TFB2M: variants seen among roughly 807,000 people sequenced by gnomAD.
TFB2M encodes the protein dimethyladenosine transferase 2, mitochondrial.
A neutral mutation model predicts 41.3 loss-of-function variants in TFB2M; 44 were observed. The observed-to-expected ratio is 1.07, with a 90% CI of 0.84 to 1.37. The LOEUF (loss-of-function observed/expected upper bound fraction) is 1.37. TFB2M is among the 40% of genes most tolerant of loss of function. TFB2M has a pLI of 0.00. For synonymous variants in TFB2M, 188 were observed against 176.8 expected (o/e 1.06, Z -0.50); for missense variants, 496 against 490.2 (o/e 1.01, Z -0.11).
Position 246,540,913 on chromosome 1 carries a change from G to T in TFB2M, c.*118C>A. 3.3e-6 allele frequency: 3 copies of T among 922,942 alleles called. No individual in the cohort carries two copies. The highest frequency in any genetic ancestry group is 4.8e-6 in the Non-Finnish European group (3 of 619,844). 57.2% of individuals were successfully genotyped at this position (922,942 alleles called of 1,614,324 possible). A position where few individuals can be genotyped will look rare whatever the true frequency, so the allele number is the denominator to read the frequency against. On this transcript the variant is annotated 3_prime_UTR_variant, in exon 8 of 8. Transcript: ENST00000366514. ...CAGCTTAGGAGAAATGATCTGCCTG[G>T]CTTGTGCAAGACAAGAACAGTTACC...
intron 6 of TFB2M, among the ~76,000 whole-genome samples, chr1:246,544,931 G>C (rs893356621): frequency 1.3e-5 from 2 of 151,270 alleles, no homozygotes; most frequent in Admixed American, 6.6e-5. Context: ...TCAGCCTCCC[G>C]AGTAGCTGGG....
At chr1:246,552,230 G>A (rs1265169457) in intron 4 of TFB2M, among the ~76,000 whole-genome samples, 4 of 151,948 alleles carry the variant, frequency 2.6e-5, no homozygotes, top group Admixed American at 1.3e-4. Context: ...TGAGATGACC[G>A]TGCCTGTGAA....
chr1:246,551,523 C>T (rs553255538), intron 4 of TFB2M, among the ~76,000 whole-genome samples: 71 of 152,060 alleles, frequency 4.7e-4, no homozygotes, highest in Non-Finnish European at 8.7e-4. Context: ...TTGGGCGTTC[C>T]GTGTGAGATG....
intron 2 of TFB2M, among the ~76,000 whole-genome samples, chr1:246,560,651 T>A (rs1416003534): frequency 6.6e-6 from 1 of 152,206 alleles, no homozygotes; most frequent in African/African-American, 2.4e-5. Context: ...TCAAACATGA[T>A]AATAATCAAA....
intron 7 of TFB2M, among the ~76,000 whole-genome samples, chr1:246,541,849 T>C (rs896536919): frequency 3.3e-5 from 5 of 152,256 alleles, no homozygotes; most frequent in African/African-American, 1.2e-4. Flanking sequence ...TTTTCACATT[T>C]TGATGTAACC....
chr1:246,556,045 C>G (rs1254443014), intron 4 of TFB2M, among the ~76,000 whole-genome samples: 1 of 152,168 alleles, frequency 6.6e-6, no homozygotes, highest in Admixed American at 6.5e-5. Flanking sequence ...CATGCCTTGG[C>G]CTCCCAGAGT....
At chr1:246,544,992 A>T (rs1367112508) in intron 6 of TFB2M, among the ~76,000 whole-genome samples, 24 of 152,036 alleles carry the variant, frequency 1.6e-4, no homozygotes, top group African/African-American at 4.6e-4. Flanking sequence ...TTTTTAGTAG[A>T]GATGGGGTTT....
chr1:246,547,296 A>C (rs3129570), intron 6 of TFB2M, among the ~76,000 whole-genome samples: 93,787 of 151,994 alleles, frequency 0.62, 30,948 homozygotes, highest in Middle Eastern at 0.78. Flanking sequence ...TTATATTTTT[A>C]AGTTGGCCAA....
At chr1:246,557,028 C>T (rs1432967073) in intron 3 of TFB2M, among the ~76,000 whole-genome samples, 1 of 152,102 alleles carries the variant, frequency 6.6e-6, no homozygotes, top group African/African-American at 2.4e-5. Context: ...AATCCCAGCA[C>T]TTTGGGAGGT....
At chr1:246,544,441 T>C (rs1658943589) in intron 7 of TFB2M, 80 bp downstream of exon 7, 10 of 1,289,832 alleles carry the variant, frequency 7.8e-6, no homozygotes, top group Non-Finnish European at 1.1e-5. Context: ...TCAATCAAGA[T>C]ATAAAAATAG....
intron 4 of TFB2M, among the ~76,000 whole-genome samples, chr1:246,554,145 C>A (rs1286396120): frequency 6.6e-6 from 1 of 152,176 alleles, no homozygotes; most frequent in East Asian, 1.9e-4. Context: ...AAGAATGAAG[C>A]TGGACACTGA....
intron 6 of TFB2M, among the ~76,000 whole-genome samples, chr1:246,547,664 C>T (rs908202090): frequency 9.5e-5 from 12 of 126,612 alleles, no homozygotes; most frequent in South Asian, 8.3e-4. Flanking sequence ...GCATTTAATT[C>T]GTTTTTTTTT....
At chr1:246,564,678 ACT>A (rs967366089) in intron 1 of TFB2M, among the ~76,000 whole-genome samples, 6 of 144,134 alleles carry the variant, frequency 4.2e-5, no homozygotes, top group Non-Finnish European at 6.0e-5. Context: ...CAAAACCTGC[ACT>A]CTTTTTTTTT....
intron 6 of TFB2M, among the ~76,000 whole-genome samples, chr1:246,545,957 A>G (rs1659007387): frequency 6.6e-6 from 1 of 152,124 alleles, no homozygotes; most frequent in Admixed American, 6.6e-5. Flanking sequence ...CCTCTGTCTG[A>G]TCCAGGAGTC....
rs1659641784 is a variant in TFB2M at position 246,565,815 on chromosome 1, G to GCTGGACTCAC, written c.313+1_313+10dup. On this transcript the variant is annotated intron_variant, in intron 1 of 7. Coordinates refer to ENST00000366514, the MANE Select transcript of TFB2M (RefSeq NM_022366.3). ...TGAACATCCAAGAAAATGCAATTCA[G>GCTGGACTCAC]CTGGACTCACCTGGATTGCACTCCA... The GCTGGACTCAC allele has an allele frequency of 6.3e-7, 1 of 1,590,702 alleles. No individual in the cohort carries two copies. Among genetic ancestry groups the GCTGGACTCAC allele is most frequent in the African/African-American group, 1.3e-5 (1 of 74,550 alleles).
At chr1:246,559,032 A>G (rs1358732133) in intron 2 of TFB2M, among the ~76,000 whole-genome samples, 1 of 152,234 alleles carries the variant, frequency 6.6e-6, no homozygotes, top group East Asian at 1.9e-4. Flanking sequence ...ATGTAACTTA[A>G]AGTTATTAAT....
intron 2 of TFB2M, among the ~76,000 whole-genome samples, chr1:246,559,975 C>T (rs376493118): frequency 4.6e-5 from 7 of 152,210 alleles, no homozygotes; most frequent in African/African-American, 9.7e-5. Context: ...TCAGTCAACA[C>T]GCATGGCAAG....
intron 2 of TFB2M, among the ~76,000 whole-genome samples, chr1:246,563,854 T>C (rs2102991594): frequency 6.6e-6 from 1 of 152,280 alleles, no homozygotes. Context: ...TATGCAAATA[T>C]TGCAAAATAT....
chr1:246,544,514 T>A lies in TFB2M; in HGVS notation c.1019+7A>T, dbSNP rs3124119. ...ACTTTATACTTGCTTTTATTCTTTT[T>A]ACTCACCGTAAGTGGTCTATTACAG... On this transcript the variant is annotated splice_region_variant and intron_variant, in intron 7 of 7. Coordinates refer to ENST00000366514, the MANE Select transcript of TFB2M (RefSeq NM_022366.3). 2.5e-6 allele frequency: 4 copies of A among 1,581,102 alleles called. No homozygotes were observed. The highest frequency in any genetic ancestry group is 3.4e-6 in the Non-Finnish European group (4 of 1,170,672).
Sources: allele counts gnomAD v4.1 joint callset (sites outside exome capture counted in the v4.1 genomes callset), GRCh38; gene constraint gnomAD v4.1.1; transcripts MANE v1.5; gene names NCBI Gene and HGNC (gene_info 2026-07-23, HGNC 2026-07-21).